Variants in RANBP2 observed in about 807,000 individuals in gnomAD.
RANBP2 encodes RAN binding protein 2.
In RANBP2, 57 loss-of-function variants were observed where a neutral mutation model predicts 303.6. The observed-to-expected ratio is 0.19, with a 90% CI of 0.15 to 0.23. RANBP2 has a LOEUF of 0.23. Ranked by LOEUF, RANBP2 falls within the 10% of genes least tolerant of loss-of-function variation. The pLI, the probability that RANBP2 is intolerant of heterozygous loss-of-function variation, is 1.00. For synonymous variants in RANBP2, 1,167 were observed against 1,301.5 expected, an observed-to-expected ratio of 0.90 and a Z score of 2.23; for missense variants, 3,138 against 3,780.8, an observed-to-expected ratio of 0.83 and a Z score of 4.46.
At chr2:109,428,587 C>T in the RANBP2 span, among the ~76,000 whole-genome samples, 1 of 152,234 alleles carries the variant, frequency 6.6e-6, no homozygotes. Context: ...TCCTCAGCAA[C>T]CTGCCCTCAA....
chr2:109,448,087 A>G, the RANBP2 span, among the ~76,000 whole-genome samples: 1 of 152,112 alleles, frequency 6.6e-6, no homozygotes, highest in African/African-American at 2.4e-5. Context: ...TTGCTGAGTG[A>G]CATACCCAGT....
chr2:109,406,318 T>A, the RANBP2 span, among the ~76,000 whole-genome samples: 1 of 152,126 alleles, frequency 6.6e-6, no homozygotes, highest in Non-Finnish European at 1.5e-5. Context: ...TTGCTTACAT[T>A]TTAGAAAAAT....
At chr2:109,300,552 G>A in the RANBP2 span, among the ~76,000 whole-genome samples, 1 of 152,162 alleles carries the variant, frequency 6.6e-6, no homozygotes, top group African/African-American at 2.4e-5. Flanking sequence ...AGAGATGACA[G>A]GCATCCTTTT....
chr2:109,394,497 C>T, the RANBP2 span, among the ~76,000 whole-genome samples: 1 of 152,212 alleles, frequency 6.6e-6, no homozygotes, highest in Admixed American at 6.5e-5. Flanking sequence ...CACACCTGCA[C>T]AGGTACCAGG....
intron 17 of RANBP2, among the ~76,000 whole-genome samples, chr2:108,758,212 G>T (rs1223447568): frequency 6.6e-6 from 1 of 151,630 alleles, no homozygotes; most frequent in East Asian, 1.9e-4. Flanking sequence ...TGGGAGAATT[G>T]CTTGAGCCCA....
the RANBP2 span, among the ~76,000 whole-genome samples, chr2:109,029,733 AG>A: frequency 1.3e-5 from 2 of 152,152 alleles, no homozygotes; most frequent in Non-Finnish European, 2.9e-5. Context: ...GCTGCAGGAC[AG>A]GGCCCCCCGG....
the RANBP2 span, among the ~76,000 whole-genome samples, chr2:109,413,924 A>G: frequency 6.6e-6 from 1 of 152,232 alleles, no homozygotes; most frequent in Non-Finnish European, 1.5e-5. Flanking sequence ...CAGCAGGGGC[A>G]GTCACCTGCC....
the RANBP2 span, among the ~76,000 whole-genome samples, chr2:109,590,080 A>ATGTG: frequency 6.7e-6 from 1 of 149,472 alleles, no homozygotes; most frequent in African/African-American, 2.5e-5. Context: ...ACACATATAT[A>ATGTG]TGTATATATA....
chr2:109,123,424 G>A, the RANBP2 span, among the ~76,000 whole-genome samples: 1 of 147,452 alleles, frequency 6.8e-6, no homozygotes, highest in South Asian at 2.2e-4. Flanking sequence ...GCTCCCTGGG[G>A]TCTGCCCCAA....
the RANBP2 span, among the ~76,000 whole-genome samples, chr2:108,974,112 G>A: frequency 7.4e-5 from 11 of 148,952 alleles, no homozygotes; most frequent in East Asian, 2.0e-4. Context: ...GGTGGATCAC[G>A]AGGTCAGGAG....
the RANBP2 span, among the ~76,000 whole-genome samples, chr2:109,008,898 C>CA: frequency 1.2e-3 from 151 of 122,474 alleles, no homozygotes; most frequent in African/African-American, 2.5e-3. Flanking sequence ...GATTCCATCT[C>CA]AAAAAAAAAA....
chr2:109,388,845 G>C, the RANBP2 span, among the ~76,000 whole-genome samples: 3 of 150,368 alleles, frequency 2.0e-5, no homozygotes, highest in East Asian at 1.9e-4. Flanking sequence ...TAGAGAGAAG[G>C]GGGTATAGAG....
chr2:109,132,329 C>T, the RANBP2 span, among the ~76,000 whole-genome samples: 2 of 152,098 alleles, frequency 1.3e-5, no homozygotes, highest in African/African-American at 4.8e-5. Flanking sequence ...AATATTTTGA[C>T]AGCTTTATTT....
At chr2:109,648,743 G>A in the RANBP2 span, among the ~76,000 whole-genome samples, 4 of 149,414 alleles carry the variant, frequency 2.7e-5, no homozygotes, top group South Asian at 8.5e-4. Flanking sequence ...AACCCCTGCC[G>A]CCTGGGTTCA....
chr2:109,626,066 G>A, the RANBP2 span, among the ~76,000 whole-genome samples: 3 of 152,126 alleles, frequency 2.0e-5, no homozygotes, highest in Admixed American at 1.3e-4. Flanking sequence ...GGTATAAGGG[G>A]AAAAAAGAAT....
the RANBP2 span, among the ~76,000 whole-genome samples, chr2:109,700,042 A>C: frequency 1.3e-5 from 2 of 152,206 alleles, no homozygotes; most frequent in Non-Finnish European, 2.9e-5. Context: ...CCTGTAGCAG[A>C]TTATCTTCCA....
At chr2:109,269,577 T>TG in the RANBP2 span, among the ~76,000 whole-genome samples, 1 of 152,162 alleles carries the variant, frequency 6.6e-6, no homozygotes, top group Non-Finnish European at 1.5e-5. Flanking sequence ...GCCCAAGAGT[T>TG]GGAGACTAGC....
At chr2:109,138,160 C>T in the RANBP2 span, among the ~76,000 whole-genome samples, 4 of 152,242 alleles carry the variant, frequency 2.6e-5, no homozygotes, top group East Asian at 1.9e-4. Context: ...GGACTATAGG[C>T]GAGCACCACC....
At chr2:109,409,571 C>T in the RANBP2 span, among the ~76,000 whole-genome samples, 2 of 152,132 alleles carry the variant, frequency 1.3e-5, no homozygotes, top group Non-Finnish European at 2.9e-5. Context: ...TGGCCTCCAT[C>T]TTCAGTGGTG....
Sources: gnomAD v4.1 joint callset for allele counts (sites outside exome capture counted in the v4.1 genomes callset) on GRCh38, gnomAD v4.1.1 for gene constraint, MANE v1.5 for transcripts, NCBI Gene and HGNC (gene_info 2026-07-23, HGNC 2026-07-21) for gene names.